RPP30: variants seen among roughly 807,000 people sequenced by gnomAD.
The protein encoded by RPP30 is ribonuclease P/MRP subunit p30, also known as ribonuclease P protein subunit p30.
A neutral mutation model predicts 38.6 loss-of-function variants in RPP30; 36 were observed. The observed-to-expected ratio is 0.93, with a 90% CI of 0.71 to 1.23. The LOEUF is 1.23. Among genes scored for constraint, RPP30 ranks in the 50% most tolerant of loss-of-function variants. The pLI, the probability that RPP30 is intolerant of heterozygous loss-of-function variation, is 0.00. For synonymous variants in RPP30, 126 were observed against 112.7 expected (o/e 1.12, Z -0.75); for missense variants, 321 against 321.7 (o/e 1.00, Z 0.02).
downstream of RPP30, among the ~76,000 whole-genome samples, chr10:90,903,474 G>T (rs1022568406): frequency 6.6e-6 from 1 of 152,160 alleles, no homozygotes; most frequent in South Asian, 2.1e-4. Context: ...GAAAACTCGT[G>T]AAATAAATGG....
chr10:90,888,636 A>G (rs1225168996), intron 6 of RPP30, among the ~76,000 whole-genome samples: 1 of 152,100 alleles, frequency 6.6e-6, no homozygotes, highest in Non-Finnish European at 1.5e-5. Context: ...CAGGAAGTAT[A>G]TGCCGTGAGG....
chr10:90,881,956 A>G (rs1846934707), intron 5 of RPP30, among the ~76,000 whole-genome samples: 1 of 152,100 alleles, frequency 6.6e-6, no homozygotes, highest in East Asian at 1.9e-4. Flanking sequence ...GACATAATAT[A>G]CCATTATATT....
At chr10:90,904,737 G>A (rs528782303), downstream of RPP30, among the ~76,000 whole-genome samples, 14 of 152,228 alleles carry the variant, frequency 9.2e-5, no homozygotes, top group Non-Finnish European at 1.6e-4. Context: ...GCTTGAACCC[G>A]GGAGGTAGAG....
rs1846833519 is a variant in RPP30, at chr10:90,875,046, C to CT, written c.138+126dup. ...AAATGCACCCCTTTGTGCACTACTA[C>CT]TTTTCTATTTTATATAGAAACAGTC... On this transcript the variant is annotated intron_variant, in intron 2 of 10. Transcript: ENST00000371703. 2.1e-5 allele frequency: 11 copies of CT among 528,528 alleles called. No individual in the cohort carries two copies. The South Asian group carries it at 3.4e-4, about 16-fold the overall frequency. 32.7% of individuals were successfully genotyped at this position (528,528 alleles called of 1,614,324 possible). A position where few individuals can be genotyped will look rare whatever the true frequency, so the allele number is the denominator to read the frequency against.
At chr10:90,882,626 G>C (rs1037803963) in intron 5 of RPP30, among the ~76,000 whole-genome samples, 5 of 151,900 alleles carry the variant, frequency 3.3e-5, no homozygotes, top group Admixed American at 3.3e-4. Flanking sequence ...TTGCACCACA[G>C]CACTGCAACC....
chr10:90,902,323 T>TC, downstream of RPP30: 1 of 386,204 alleles, frequency 2.6e-6, no homozygotes, highest in Non-Finnish European at 5.1e-6. Flanking sequence ...GCTCAAGCCA[T>TC]CCTCCCACCT....
downstream of RPP30, chr10:90,903,146 C>T: frequency 9.6e-7 from 1 of 1,039,766 alleles, no homozygotes; most frequent in Non-Finnish European, 1.5e-6. Context: ...AAAAACTCTG[C>T]ACTTGGATTG....
chr10:90,907,677 A>G (rs530409618), downstream of RPP30, among the ~76,000 whole-genome samples: 471 of 152,316 alleles, frequency 3.1e-3, 3 homozygotes, highest in Non-Finnish European at 5.1e-3. Flanking sequence ...GCTGTATTCC[A>G]TAGAGCAGTG....
intron 1 of RPP30, among the ~76,000 whole-genome samples, chr10:90,874,018 A>G (rs1460187933): frequency 6.6e-6 from 1 of 152,178 alleles, no homozygotes; most frequent in Non-Finnish European, 1.5e-5. Flanking sequence ...TATATTATTT[A>G]TCCTGTATGC....
rs761269058 is a variant in RPP30 at position 90,901,500 on chromosome 10, T to C, written c.*821T>C. The C allele has an allele frequency of 6.2e-4, 611 of 984,984 alleles. 1 individual carries two copies. Among genetic ancestry groups the C allele is most frequent in the Admixed American group, 1.8e-3 (29 of 16,288 alleles). The allele number at this position is 984,984 out of a possible 1,614,324, so 61.0% of individuals were successfully genotyped here. A position where few individuals can be genotyped will look rare whatever the true frequency, so the allele number is the denominator to read the frequency against. On this transcript the variant is annotated 3_prime_UTR_variant, in exon 11 of 11. Transcript: ENST00000371703. Reference sequence around the variant, plus strand: ...CACATGTAAAATTACATCTGGTCTCTTCCTTCACTGCTTCATGCCTACGTA... The same window carrying C: ...CACATGTAAAATTACATCTGGTCTCCTCCTTCACTGCTTCATGCCTACGTA...
At chr10:90,890,171 T>C (rs912990595) in intron 6 of RPP30, among the ~76,000 whole-genome samples, 1 of 152,234 alleles carries the variant, frequency 6.6e-6, no homozygotes, top group African/African-American at 2.4e-5. Flanking sequence ...AATCTGCTGT[T>C]ATTTCCTACT....
At chr10:90,890,451 T>G (rs528896110) in intron 6 of RPP30, among the ~76,000 whole-genome samples, 1 of 152,332 alleles carries the variant, frequency 6.6e-6, no homozygotes, top group Non-Finnish European at 1.5e-5. Context: ...CCCTCAGTCC[T>G]TCCTTTAACC....
chr10:90,890,353 T>G (rs1035676452), intron 6 of RPP30, among the ~76,000 whole-genome samples: 5 of 152,226 alleles, frequency 3.3e-5, no homozygotes, highest in African/African-American at 1.2e-4. Context: ...TATTTCCATT[T>G]CAATGTTATT....
chr10:90,885,157 T>C (rs902865902), intron 5 of RPP30, among the ~76,000 whole-genome samples: 2 of 152,200 alleles, frequency 1.3e-5, no homozygotes, highest in African/African-American at 4.8e-5. Context: ...ATGCAGAGTA[T>C]TACTCAACAA....
At chr10:90,876,197 C>T (rs1846850153) in intron 4 of RPP30, 99 bp downstream of exon 4, 1 of 732,926 alleles carries the variant, frequency 1.4e-6, no homozygotes. Flanking sequence ...TACATTTTCC[C>T]TCGCCCCCGC....
Position 90,876,056 on chromosome 10 carries a change from A to G in RPP30, c.228A>G (p.Arg76=), listed in dbSNP as rs753058698. 6.3e-7 allele frequency: 1 copy of G among 1,579,092 alleles called. No homozygotes were observed. The highest frequency in any genetic ancestry group is 2.2e-5 in the East Asian group (1 of 44,722). Residue 76 remains arginine, a synonymous_variant, in exon 4 of 11, where the codon AGA becomes AGG. Coordinates refer to ENST00000371703, the MANE Select transcript of RPP30 (RefSeq NM_006413.5). ...GKSRPIKILT[R]LTIIVSDPSH... is the part of the protein sequence containing the mutation. ...CAAGACCAATTAAAATTTTAACTAGATTAACAATTATTGTCTCGGATCCAT... is the reference window on the plus strand; with the variant it reads ...CAAGACCAATTAAAATTTTAACTAGGTTAACAATTATTGTCTCGGATCCAT...
rs763479347 is a variant in RPP30, at chr10:90,885,892, T to C, written c.423T>C (p.Pro141=). ...TACCATTTTACTTCAAAAGACCTCC[T>C]ATTAATGTGGTAAGTGTACTTTCCA... The part of the protein sequence containing the change: ...EKLPFYFKRP[P]INVAIDRGLA... Residue 141 remains proline (P), a synonymous_variant, in exon 6 of 11, where the codon CCT becomes CCC. Coordinates refer to ENST00000371703, the MANE Select transcript of RPP30 (RefSeq NM_006413.5). 1 of 1,588,784 alleles carries C rather than the reference T, an allele frequency of 6.3e-7. No homozygotes were observed.
At position 90,900,808 on chromosome 10, in the gene RPP30, A is replaced by G. The variant is rs1348106504; in HGVS notation, c.*129A>G. The stretch of plus-strand genomic sequence containing the variant: ...CTAGAAATCAATAGTCTATAAAAAC[A>G]GTTTTACTTGCAATCCATTAAAACA... On this transcript the variant is annotated 3_prime_UTR_variant, in exon 11 of 11. Transcript: ENST00000371703. 2.2e-6 allele frequency: 3 copies of G among 1,390,916 alleles called. No homozygotes were observed. Among genetic ancestry groups the G allele is most frequent in the Non-Finnish European group, 2.8e-6 (3 of 1,073,698 alleles). 86.2% of individuals were successfully genotyped at this position (1,390,916 alleles called of 1,614,324 possible).
downstream of RPP30, among the ~76,000 whole-genome samples, chr10:90,907,876 C>T (rs775952288): frequency 9.9e-5 from 15 of 152,174 alleles, 1 homozygote; most frequent in Non-Finnish European, 1.5e-4. Flanking sequence ...GACAGGGATA[C>T]GTTCTGAAAG....
Sources: gnomAD v4.1 joint callset for allele counts (sites outside exome capture counted in the v4.1 genomes callset) on GRCh38, gnomAD v4.1.1 for gene constraint, MANE v1.5 for transcripts, NCBI Gene and HGNC (gene_info 2026-07-23, HGNC 2026-07-21) for gene names.